The following NLRP1 variants were observed in gnomAD, a reference collection of about 807,000 sequenced individuals.
NLRP1 encodes the protein NACHT, LRR and PYD domains-containing protein 1.
Under a neutral mutation model 136.7 loss-of-function variants are expected in NLRP1, and 94 were observed. That is an observed-to-expected ratio of 0.69 (90% CI 0.58 to 0.82). The LOEUF is 0.82. Among genes scored for constraint, NLRP1 ranks in the 40% least tolerant of loss-of-function variants. The pLI is 0.00. For missense variants in NLRP1, 1,575 were observed against 1,802.7 expected, an observed-to-expected ratio of 0.87 and a Z score of 2.29; for synonymous variants, 690 against 725.1, an observed-to-expected ratio of 0.95 and a Z score of 0.78.
chr17:5,524,849 A>G (rs1411626634), intron 12 of NLRP1, among the ~76,000 whole-genome samples: 1 of 152,168 alleles, frequency 6.6e-6, no homozygotes, highest in Non-Finnish European at 1.5e-5. Context: ...TGCTAGGGTG[A>G]CCAACTGTCC....
At chr17:5,552,481 T>G (rs1913498992) in intron 5 of NLRP1, among the ~76,000 whole-genome samples, 2 of 152,162 alleles carry the variant, frequency 1.3e-5, no homozygotes, top group South Asian at 4.1e-4. Context: ...TGAAAGGATC[T>G]TGAAACCAGC....
downstream of NLRP1, among the ~76,000 whole-genome samples, chr17:5,509,719 G>A (rs1036250507): frequency 3.9e-5 from 6 of 152,158 alleles, no homozygotes; most frequent in South Asian, 8.3e-4. Context: ...TGGCCAGGCC[G>A]GTCTCAAACT....
intron 5 of NLRP1, among the ~76,000 whole-genome samples, chr17:5,551,277 G>A (rs1384968983): frequency 1.3e-5 from 2 of 152,158 alleles, no homozygotes; most frequent in African/African-American, 4.8e-5. Flanking sequence ...ATAGTTGGAA[G>A]CATACAGCAT....
chr17:5,559,608 T>C lies in NLRP1; in HGVS notation c.1088A>G (p.His363Arg), dbSNP rs149191782. 1 of 1,614,230 alleles carries C rather than the reference T, an allele frequency of 6.2e-7. No individual in the cohort carries two copies. Among genetic ancestry groups the C allele is most frequent in the Non-Finnish European group, 8.5e-7 (1 of 1,180,042 alleles). Residue 363 changes from histidine to arginine, a missense_variant, in exon 4 of 17, where the codon CAT becomes CGT. Transcript: ENST00000572272. Reference protein sequence around the residue: ...RGQLYGDRFQHVFYFSCRELA... With the variant: ...RGQLYGDRFQRVFYFSCRELA... ...CTCTCTGCAGCTGAAGTAGAAGACA[T>C]GCTGGAAGCGGTCCCCATACAGCTG...
At chr17:5,547,232 A>G (rs1465987929) in intron 5 of NLRP1, among the ~76,000 whole-genome samples, 2 of 152,200 alleles carry the variant, frequency 1.3e-5, no homozygotes, top group African/African-American at 2.4e-5. Flanking sequence ...CTAAGTACAT[A>G]GCATACATGT....
At chr17:5,530,149 C>T in intron 12 of NLRP1, 1 of 464,118 alleles carries the variant, frequency 2.2e-6, no homozygotes, top group Non-Finnish European at 4.2e-6. Flanking sequence ...TGTAAATGGT[C>T]CTGTCTTTGA....
Position 5,515,059 on chromosome 17 carries a change from G to C in NLRP1, c.4117C>G (p.Leu1373Val), listed in dbSNP as rs925924700. 6.2e-7 allele frequency: 1 copy of C among 1,613,912 alleles called. No individual in the cohort carries two copies. Among genetic ancestry groups the C allele is most frequent in the Non-Finnish European group, 8.5e-7 (1 of 1,179,978 alleles). The change falls in exon 17 of 17, where the codon CTG (leucine) becomes GTG (valine). Residue 1373 changes from leucine (L) to valine (V), a missense_variant. By Grantham distance (32) the Leu-to-Val change is conservative. Transcript: ENST00000572272. Reference sequence around the variant, plus strand: ...AAGTGCAGCAACTGCGGGGCATCCAGAGGTGAAGGTACGGCTGGCAACGAA... The same window carrying C: ...AAGTGCAGCAACTGCGGGGCATCCACAGGTGAAGGTACGGCTGGCAACGAA... ...PPARIAVPSPLDAPQLLHFVD... is the reference protein window; with the variant it reads ...PPARIAVPSPVDAPQLLHFVD...
chr17:5,542,974 T>C (rs11655807), intron 5 of NLRP1, among the ~76,000 whole-genome samples: 7,167 of 152,132 alleles, frequency 0.047, 192 homozygotes, highest in Middle Eastern at 0.085. Context: ...GGATTACAGG[T>C]GCCTGCCACC....
intron 3 of NLRP1, among the ~76,000 whole-genome samples, chr17:5,567,394 T>C (rs1004818895): frequency 2.0e-5 from 3 of 152,050 alleles, no homozygotes; most frequent in African/African-American, 7.2e-5. Context: ...ATTATTTTAA[T>C]CTGATAACAA....
intron 5 of NLRP1, among the ~76,000 whole-genome samples, chr17:5,549,827 G>C (rs939107385): frequency 5.3e-5 from 8 of 152,084 alleles, no homozygotes; most frequent in African/African-American, 1.9e-4. Context: ...GTTAGCTGTG[G>C]GTTTTTTTAC....
intron 5 of NLRP1, among the ~76,000 whole-genome samples, chr17:5,552,618 C>T (rs541662287): frequency 2.0e-5 from 3 of 152,166 alleles, no homozygotes; most frequent in African/African-American, 7.2e-5. Flanking sequence ...TCCTTGATAT[C>T]TTCCTCTTCC....
chr17:5,564,756 T>TC (rs1364973031), intron 3 of NLRP1, among the ~76,000 whole-genome samples: 6 of 149,436 alleles, frequency 4.0e-5, no homozygotes, highest in Admixed American at 4.0e-4. Context: ...TTTTTTTTTT[T>TC]AGACAGAGTC....
At chr17:5,573,540 G>A (rs939808258) in intron 3 of NLRP1, among the ~76,000 whole-genome samples, 10 of 152,314 alleles carry the variant, frequency 6.6e-5, no homozygotes, top group South Asian at 2.1e-4. Flanking sequence ...CCTGACCCCC[G>A]AGTAGCCTAA....
chr17:5,533,809 G>C lies in NLRP1; in HGVS notation c.3052+88C>G. 6 of 876,266 alleles carry C rather than the reference G, an allele frequency of 6.8e-6. No homozygotes were observed. In the East Asian group the frequency reaches 1.5e-4, roughly 21 times the overall value. 54.3% of individuals were successfully genotyped at this position (876,266 alleles called of 1,614,324 possible). ...AGGAAACCTGCCCCGTCCCACATCA[G>C]GGGCAGAGGGATGGAGGGAATGACC... On this transcript the variant is annotated intron_variant, in intron 9 of 16. Transcript: ENST00000572272.
At chr17:5,520,128 T>C (rs1262877189) in intron 14 of NLRP1, among the ~76,000 whole-genome samples, 1 of 152,066 alleles carries the variant, frequency 6.6e-6, no homozygotes, top group African/African-American at 2.4e-5. Flanking sequence ...AATGCTGGGA[T>C]TACAGGCGTG....
At chr17:5,522,716 T>C (rs1909050086) in intron 12 of NLRP1, among the ~76,000 whole-genome samples, 1 of 152,064 alleles carries the variant, frequency 6.6e-6, no homozygotes, top group South Asian at 2.1e-4. Context: ...GAGCCAAACT[T>C]ATACGCAAAC....
chr17:5,552,520 AC>A (rs939423138), intron 5 of NLRP1, among the ~76,000 whole-genome samples: 6 of 151,884 alleles, frequency 4.0e-5, no homozygotes, highest in African/African-American at 1.4e-4. Flanking sequence ...ATGACATTCC[AC>A]CCCCCAATCA....
At chr17:5,548,801 T>C (rs185155657) in intron 5 of NLRP1, among the ~76,000 whole-genome samples, 1 of 152,296 alleles carries the variant, frequency 6.6e-6, no homozygotes, top group Non-Finnish European at 1.5e-5. Context: ...CTCTGCTCTG[T>C]TGGGTTCCAT....
In NLRP1 at chr17:5,582,708, A is replaced by G; in HGVS notation, c.410T>C (p.Leu137Ser). The change falls in exon 2 of 17, where the codon TTG becomes TCG. Residue 137 changes from leucine (L) to serine (S), a missense_variant. By Grantham distance (145) the Leu-to-Ser change is moderately radical. Transcript: ENST00000572272. ...GCTQGSERRVLRQLPDTSGRR... is the reference protein window; with the variant it reads ...GCTQGSERRVSRQLPDTSGRR... The stretch of plus-strand genomic sequence containing the variant: ...TCCAGATGTGTCAGGCAGCTGTCTC[A>G]AAACCCTTCTCTCTGAGCCCTGGGT... 6.2e-7 allele frequency: 1 copy of G among 1,614,116 alleles called. No homozygotes were observed. Among genetic ancestry groups the G allele is most frequent in the South Asian group, 1.1e-5 (1 of 91,060 alleles).
Sources: gnomAD v4.1 joint callset for allele counts (sites outside exome capture counted in the v4.1 genomes callset) on GRCh38, gnomAD v4.1.1 for gene constraint, MANE v1.5 for transcripts, NCBI Gene and HGNC (gene_info 2026-07-23, HGNC 2026-07-21) for gene names.